Variants in FAM227B observed in about 807,000 individuals in gnomAD.
FAM227B encodes the protein family with sequence similarity 227 member B.
In FAM227B, 88 loss-of-function variants were observed where a neutral mutation model predicts 73.8. The ratio of observed to expected loss-of-function variants is 1.19; its 90% CI spans 1.00 to 1.42. The LOEUF (loss-of-function observed/expected upper bound fraction) is 1.42. Ranked by LOEUF, FAM227B falls within the 40% of genes most tolerant of loss-of-function variation. FAM227B has a pLI of 0.00. For synonymous variants in FAM227B, 210 were observed against 190.5 expected (o/e 1.10, Z -0.84); for missense variants, 632 against 590.9 (o/e 1.07, Z -0.72).
chr15:49,591,379 CCCTT>C (rs1221101088), intron 3 of FAM227B, among the ~76,000 whole-genome samples: 1 of 110,860 alleles, frequency 9.0e-6, no homozygotes, highest in Non-Finnish European at 1.9e-5. Context: ...CTCCCTCCCT[CCCTT>C]CCCTCCCTCC....
In FAM227B at chr15:49,544,824, T is replaced by G. The variant is rs376269951; in HGVS notation, c.748-3018A>C. On this transcript the variant is annotated intron_variant, in intron 9 of 15. Transcript: ENST00000299338. ...ATTTATTGACATATTGATGGTATGT[T>G]AAACCATCCCTGCATCCCTGTTATG... 2.0e-5 allele frequency among the ~76,000 whole-genome samples: 3 copies of G among 152,236 alleles called. No homozygotes were observed. In the South Asian group the frequency reaches 6.2e-4, roughly 31 times the overall value.
chr15:49,531,242 T>A (rs542178974), intron 10 of FAM227B, among the ~76,000 whole-genome samples: 1 of 151,986 alleles, frequency 6.6e-6, no homozygotes, highest in East Asian at 1.9e-4. Context: ...TGTATATATG[T>A]CTGTGTACAT....
At chr15:49,480,255 A>T (rs2055808317) in intron 11 of FAM227B, among the ~76,000 whole-genome samples, 1 of 151,946 alleles carries the variant, frequency 6.6e-6, no homozygotes, top group South Asian at 2.1e-4. Context: ...GGTATCCTTA[A>T]CCCTAATATG....
chr15:49,583,632 T>C (rs1013590816), intron 5 of FAM227B, among the ~76,000 whole-genome samples: 7 of 146,758 alleles, frequency 4.8e-5, no homozygotes, highest in Non-Finnish European at 1.0e-4. Flanking sequence ...TTTACTTTCT[T>C]AATAAACTTG....
chr15:49,372,472 C>T (rs11633282), intron 11 of FAM227B, among the ~76,000 whole-genome samples: 25,239 of 151,936 alleles, frequency 0.17, 2,387 homozygotes, highest in Non-Finnish European at 0.21. Context: ...AAGCAATGAC[C>T]CTCTAATTAA....
At chr15:49,585,113 G>A (rs1440002166) in intron 5 of FAM227B, among the ~76,000 whole-genome samples, 1 of 152,092 alleles carries the variant, frequency 6.6e-6, no homozygotes, top group Non-Finnish European at 1.5e-5. Flanking sequence ...CTGGCCATCA[G>A]AGAAATGCAA....
At chr15:49,428,111 G>C (rs2050282470) in intron 11 of FAM227B, among the ~76,000 whole-genome samples, 1 of 151,932 alleles carries the variant, frequency 6.6e-6, no homozygotes. Context: ...GGGAATTCAT[G>C]AGAGGCCAAG....
At chr15:49,534,354 C>A (rs976408202) in intron 10 of FAM227B, among the ~76,000 whole-genome samples, 1 of 151,614 alleles carries the variant, frequency 6.6e-6, no homozygotes, top group Admixed American at 6.6e-5. Flanking sequence ...AGACTTTAAG[C>A]CAAAAACTGT....
intron 5 of FAM227B, among the ~76,000 whole-genome samples, chr15:49,581,225 G>C (rs1051037782): frequency 6.6e-6 from 1 of 152,048 alleles, no homozygotes; most frequent in Non-Finnish European, 1.5e-5. Flanking sequence ...TGTGGCTAGA[G>C]AGAAGGGCAG....
chr15:49,488,681 T>C (rs2152041818), intron 11 of FAM227B: 1 of 152,168 alleles, frequency 6.6e-6, no homozygotes, highest in Non-Finnish European at 1.5e-5. Context: ...GAAAATAACA[T>C]TTCACTTATG....
chr15:49,584,164 C>T (rs1405347556), intron 5 of FAM227B, among the ~76,000 whole-genome samples: 1 of 152,146 alleles, frequency 6.6e-6, no homozygotes, highest in Non-Finnish European at 1.5e-5. Context: ...GCTTATCCAC[C>T]ACAATCAAGT....
intron 13 of FAM227B, among the ~76,000 whole-genome samples, chr15:49,342,671 C>T (rs1186314275): frequency 2.0e-5 from 3 of 152,102 alleles, no homozygotes; most frequent in African/African-American, 7.2e-5. Flanking sequence ...AGGTATCCTC[C>T]TTTGTCTTCC....
intron 11 of FAM227B, among the ~76,000 whole-genome samples, chr15:49,495,752 G>T: frequency 6.6e-6 from 1 of 152,132 alleles, no homozygotes; most frequent in East Asian, 1.9e-4. Flanking sequence ...GGCCGGGCAT[G>T]GTGGCTCGTG....
chr15:49,522,312 T>C (rs576881139), intron 10 of FAM227B, among the ~76,000 whole-genome samples: 5 of 152,294 alleles, frequency 3.3e-5, no homozygotes, highest in Admixed American at 6.5e-5. Context: ...ATCTAAATGA[T>C]AGCAAATTTA....
intron 15 of FAM227B, chr15:49,330,323 T>A (rs2038424566): frequency 6.6e-6 from 1 of 151,626 alleles, no homozygotes. Context: ...AGATCAGGGG[T>A]TATAGCCCAG....
At chr15:49,568,435 G>A in intron 8 of FAM227B, 89 bp from the exon 9 acceptor site, 6 of 1,060,932 alleles carry the variant, frequency 5.7e-6, no homozygotes, top group Non-Finnish European at 8.3e-6. Flanking sequence ...TTATTCTCAT[G>A]AGCAGATCAA....
At chr15:49,608,050 G>A (rs1307724481) in intron 3 of FAM227B, among the ~76,000 whole-genome samples, 1 of 152,132 alleles carries the variant, frequency 6.6e-6, no homozygotes, top group Non-Finnish European at 1.5e-5. Flanking sequence ...CATACTGCCC[G>A]AAAGAAAATC....
At chr15:49,422,505 CT>C in intron 11 of FAM227B, 1 of 1,275,686 alleles carries the variant, frequency 7.8e-7, no homozygotes, top group South Asian at 3.1e-5. Flanking sequence ...AGAATAACAG[CT>C]TTTAAAAGTA....
chr15:49,489,927 CAGAG>C (rs34009538), intron 11 of FAM227B, among the ~76,000 whole-genome samples: 1 of 72,690 alleles, frequency 1.4e-5, no homozygotes, highest in African/African-American at 5.2e-5. Context: ...GAGAGAGAGA[CAGAG>C]AGAGAGAGAG....
Sources: allele counts gnomAD v4.1 joint callset (sites outside exome capture counted in the v4.1 genomes callset), GRCh38; gene constraint gnomAD v4.1.1; transcripts MANE v1.5; gene names NCBI Gene and HGNC (gene_info 2026-07-23, HGNC 2026-07-21).